The following PPP3CA variants were observed in gnomAD, a reference collection of about 807,000 sequenced individuals.
PPP3CA encodes the protein protein phosphatase 3 catalytic subunit alpha, also known as CAM-PRP catalytic subunit.
In PPP3CA, 14 loss-of-function variants were observed where a neutral mutation model predicts 66.5. That is an observed-to-expected ratio of 0.21 (90% CI 0.14 to 0.33). The LOEUF is 0.33. PPP3CA is among the 10% of genes least tolerant of loss of function. The pLI, the probability that PPP3CA is intolerant of heterozygous loss-of-function variation, is 1.00. For missense variants in PPP3CA, 317 were observed against 639.5 expected (o/e 0.50, Z 5.44); for synonymous variants, 232 against 226.2 (o/e 1.03, Z -0.23).
In PPP3CA at chr4:101,061,036, C is replaced by G. The variant is rs1560582814; in HGVS notation, c.1156+51G>C. Reference sequence around the variant, plus strand: ...TATTCTTAGATTTAGCAATGAGACTCTAAGTAATTATCTGGCAAATAGCAT... The same window carrying G: ...TATTCTTAGATTTAGCAATGAGACTGTAAGTAATTATCTGGCAAATAGCAT... On this transcript the variant is annotated intron_variant, in intron 10 of 13. Coordinates refer to ENST00000394854, the MANE Select transcript of PPP3CA (RefSeq NM_000944.5). 4.1e-6 allele frequency: 6 copies of G among 1,450,950 alleles called. No individual in the cohort carries two copies. The Admixed American group carries it at 8.5e-5, about 20-fold the overall frequency. The allele number at this position is 1,450,950 out of a possible 1,614,324, so 89.9% of individuals were successfully genotyped here.
chr4:101,110,280 T>C (rs1721627272), intron 2 of PPP3CA, among the ~76,000 whole-genome samples: 1 of 152,210 alleles, frequency 6.6e-6, no homozygotes, highest in African/African-American at 2.4e-5. Flanking sequence ...GTTATTAAAA[T>C]GTTTTAAATT....
At position 101,042,694 on chromosome 4, in the gene PPP3CA, T is replaced by G. The variant is rs528173237; in HGVS notation, c.1157-2128A>C. ...TAAACAATATTAATTATCTATGATT[T>G]GTAATTAAGATTATACATCAAATTC... is the stretch of plus-strand genomic sequence containing the variant. On this transcript the variant is annotated intron_variant, in intron 10 of 13. Transcript: ENST00000394854. Among the ~76,000 whole-genome samples the G allele has an allele frequency of 1.8e-4, 28 of 152,294 alleles. No individual in the cohort carries two copies. The East Asian group carries it at 3.3e-3, about 18-fold the overall frequency.
intron 1 of PPP3CA, among the ~76,000 whole-genome samples, chr4:101,281,897 AAT>A (rs1727696134): frequency 6.6e-6 from 1 of 152,174 alleles, no homozygotes; most frequent in East Asian, 1.9e-4. Context: ...CTAGTTGCCA[AAT>A]GACAAACCTG....
At position 101,124,713 on chromosome 4, in the gene PPP3CA, GAAAGAAAGAA is replaced by G. The variant is rs1722158300; in HGVS notation, c.260-15645_260-15636del. On this transcript the variant is annotated intron_variant, in intron 2 of 13. Coordinates refer to ENST00000394854, the MANE Select transcript of PPP3CA (RefSeq NM_000944.5). ...AGAAAGAAAGAAAGAAAGAAAGAAA[GAAAGAAAGAA>G]AGAGAAAGAAAGAAAGAAAGAAAGA... 3.6e-4 allele frequency among the ~76,000 whole-genome samples: 32 copies of G among 89,470 alleles called. No individual in the cohort carries two copies. In the South Asian group the frequency reaches 6.7e-3, roughly 19 times the overall value. The allele number at this position is 89,470 out of a possible 152,430, so 58.7% of individuals were successfully genotyped here.
intron 1 of PPP3CA, among the ~76,000 whole-genome samples, chr4:101,205,104 T>C (rs1387236920): frequency 6.6e-5 from 10 of 151,894 alleles, no homozygotes; most frequent in Admixed American, 6.6e-4. Context: ...TTTTTATTTA[T>C]ACATTTATTT....
intron 1 of PPP3CA, among the ~76,000 whole-genome samples, chr4:101,289,809 C>T (rs907176379): frequency 2.0e-5 from 3 of 151,734 alleles, no homozygotes; most frequent in Admixed American, 6.6e-5. Flanking sequence ...ATTCAAATGT[C>T]ACTTGATTCC....
intron 1 of PPP3CA, among the ~76,000 whole-genome samples, chr4:101,287,298 C>A (rs897681989): frequency 2.6e-5 from 4 of 152,168 alleles, no homozygotes; most frequent in Non-Finnish European, 5.9e-5. Context: ...TTTAATTATA[C>A]ATACTTAAGC....
chr4:101,107,546 A>C (rs60813093), intron 3 of PPP3CA, among the ~76,000 whole-genome samples: 18,643 of 152,260 alleles, frequency 0.12, 1,205 homozygotes, highest in Middle Eastern at 0.17. Flanking sequence ...TTCCCTCATC[A>C]TCACCAGGAA....
rs890681786 is a variant in PPP3CA at position 101,104,718 on chromosome 4, A to C, written c.384+4236T>G. Among the ~76,000 whole-genome samples, 6 of 152,194 alleles carry C rather than the reference A, an allele frequency of 3.9e-5. No homozygotes were observed. In the East Asian group the frequency reaches 1.2e-3, roughly 29 times the overall value. ...GTCAGTTTCCTTAATCCACAATAAA[A>C]AATCCTTAAAGTATTTTCAGTAGGT... On this transcript the variant is annotated intron_variant, in intron 3 of 13. Coordinates refer to ENST00000394854, the MANE Select transcript of PPP3CA (RefSeq NM_000944.5).
intron 8 of PPP3CA, among the ~76,000 whole-genome samples, chr4:101,078,177 AAT>A (rs1343837956): frequency 1.3e-5 from 2 of 152,202 alleles, no homozygotes; most frequent in Non-Finnish European, 2.9e-5. Flanking sequence ...GTTTATAAAA[AAT>A]ATATAAAAGC....
chr4:101,164,325 T>C (rs1723618818), intron 2 of PPP3CA, among the ~76,000 whole-genome samples: 1 of 152,178 alleles, frequency 6.6e-6, no homozygotes, highest in South Asian at 2.1e-4. Context: ...ATTGGATTTA[T>C]TATGTTTTGT....
rs751759518 is a variant in PPP3CA at position 101,106,450 on chromosome 4, A to AAAGAAGAGAAGAG, written c.384+2503_384+2504insCTCTTCTCTTCTT. ...GAAAGAAAGAAAGAAAGAAAGAAAG[A>AAAGAAGAGAAGAG]AAGAGAAAAGAAAAGAAAAGAAAAG... On this transcript the variant is annotated intron_variant, in intron 3 of 13. Coordinates refer to ENST00000394854, the MANE Select transcript of PPP3CA (RefSeq NM_000944.5). Among the ~76,000 whole-genome samples, 108 of 11,120 alleles carry AAAGAAGAGAAGAG rather than the reference A, an allele frequency of 9.7e-3. 30 individuals are homozygous for AAAGAAGAGAAGAG. The highest frequency in any genetic ancestry group is 0.037 in the African/African-American group (92 of 2,470). 7.3% of individuals were successfully genotyped at this position (11,120 alleles called of 152,430 possible).
chr4:101,102,579 G>T (rs1730495622), intron 3 of PPP3CA, among the ~76,000 whole-genome samples: 1 of 152,058 alleles, frequency 6.6e-6, no homozygotes, highest in Non-Finnish European at 1.5e-5. Context: ...CTCAACATCT[G>T]GTGGGAGAGA....
At chr4:101,312,455 G>A (rs1421846165) in intron 1 of PPP3CA, among the ~76,000 whole-genome samples, 4 of 151,776 alleles carry the variant, frequency 2.6e-5, no homozygotes, top group Non-Finnish European at 5.9e-5. Flanking sequence ...TTCACTGGGA[G>A]AAGAGTTTTT....
At chr4:101,156,625 G>C (rs779699574) in intron 2 of PPP3CA, among the ~76,000 whole-genome samples, 1 of 152,052 alleles carries the variant, frequency 6.6e-6, no homozygotes, top group South Asian at 2.1e-4. Context: ...GGTTGTGATC[G>C]TGCCATTGCA....
chr4:101,092,833 C>A (rs185786274), intron 6 of PPP3CA, among the ~76,000 whole-genome samples: 15 of 152,306 alleles, frequency 9.8e-5, no homozygotes, highest in Admixed American at 7.2e-4. Flanking sequence ...ATATGTACCA[C>A]ATTTTCTTTC....
chr4:101,321,703 A>G (rs1316671598), intron 1 of PPP3CA, among the ~76,000 whole-genome samples: 2 of 152,220 alleles, frequency 1.3e-5, no homozygotes, highest in Non-Finnish European at 2.9e-5. Flanking sequence ...TGGGAATAAC[A>G]AATGAAGAAA....
At position 101,238,016 on chromosome 4, in the gene PPP3CA, G is replaced by A. The variant is rs890425314; in HGVS notation, c.59-41900C>T. On this transcript the variant is annotated intron_variant, in intron 1 of 13. Coordinates refer to ENST00000394854, the MANE Select transcript of PPP3CA (RefSeq NM_000944.5). Reference sequence around the variant, plus strand: ...AACTCCCTCTTTCCAACTCTCTTTAGGCCCACAGGTGTTGGTCCTGGGAGT... The same window carrying A: ...AACTCCCTCTTTCCAACTCTCTTTAAGCCCACAGGTGTTGGTCCTGGGAGT... Among the ~76,000 whole-genome samples, 26 of 152,034 alleles carry A rather than the reference G, an allele frequency of 1.7e-4. No individual in the cohort carries two copies. In the Middle Eastern group the frequency reaches 0.014, roughly 80 times the overall value.
intron 13 of PPP3CA, among the ~76,000 whole-genome samples, chr4:101,027,691 G>GTCA (rs775772325): frequency 3.3e-5 from 5 of 152,070 alleles, no homozygotes; most frequent in Non-Finnish European, 5.9e-5. Flanking sequence ...ATAAAAGTTT[G>GTCA]TCATCATTAT....
Sources: allele counts gnomAD v4.1 joint callset (sites outside exome capture counted in the v4.1 genomes callset), GRCh38; gene constraint gnomAD v4.1.1; transcripts MANE v1.5; gene names NCBI Gene and HGNC (gene_info 2026-07-23, HGNC 2026-07-21).